The following MYOT variants were observed in gnomAD, a reference collection of about 807,000 sequenced individuals.
MYOT encodes 57 kDa cytoskeletal protein.
Under a neutral mutation model 58.0 loss-of-function variants are expected in MYOT, and 36 were observed. The ratio of observed to expected loss-of-function variants is 0.62; its 90% CI spans 0.48 to 0.82. The LOEUF is 0.82. Ranked by LOEUF, MYOT falls within the 40% of genes least tolerant of loss-of-function variation. The pLI, the probability that MYOT is intolerant of heterozygous loss-of-function variation, is 0.00. For missense variants in MYOT, 505 were observed against 592.1 expected, an observed-to-expected ratio of 0.85 and a Z score of 1.53; for synonymous variants, 218 against 204.6, an observed-to-expected ratio of 1.07 and a Z score of -0.56.
intron 6 of MYOT, 41 bp from the exon 7 acceptor site, chr5:137,883,343 T>C (rs1242532103): frequency 8.6e-6 from 13 of 1,515,502 alleles, no homozygotes; most frequent in Non-Finnish European, 1.2e-5. Flanking sequence ...AGTGATGCAA[T>C]ACTTTAAAAT....
chr5:137,882,580 GA>G (rs1367200424), intron 6 of MYOT, among the ~76,000 whole-genome samples: 2 of 151,976 alleles, frequency 1.3e-5, no homozygotes, highest in South Asian at 2.1e-4. Context: ...CCTAGTAGCT[GA>G]AACTACAGAC....
At chr5:137,870,318 CA>C (rs1437508095) in intron 1 of MYOT, 122 bp from the exon 2 acceptor site, 3 of 405,114 alleles carry the variant, frequency 7.4e-6, no homozygotes, top group Non-Finnish European at 1.4e-5. Context: ...CACACACACA[CA>C]CACACACAAA....
intron 7 of MYOT, among the ~76,000 whole-genome samples, chr5:137,884,489 G>A (rs1009445327): frequency 6.6e-6 from 1 of 152,202 alleles, no homozygotes; most frequent in Non-Finnish European, 1.5e-5. Context: ...CTACATTTAT[G>A]TCTCAAATCT....
At chr5:137,880,895 T>A in intron 5 of MYOT, 30 bp downstream of exon 5, 1 of 1,426,826 alleles carries the variant, frequency 7.0e-7, no homozygotes, top group Non-Finnish European at 9.8e-7. Flanking sequence ...AAGAAATGTA[T>A]GTTTTCCTAT....
At chr5:137,886,000 C>A in intron 7 of MYOT, 48 bp from the exon 8 acceptor site, 1 of 1,288,908 alleles carries the variant, frequency 7.8e-7, no homozygotes, top group Non-Finnish European at 1.1e-6. Flanking sequence ...TGATTTAATA[C>A]CTTTTTTATA....
At chr5:137,879,005 T>C (rs1331493770) in intron 4 of MYOT, among the ~76,000 whole-genome samples, 3 of 152,120 alleles carry the variant, frequency 2.0e-5, no homozygotes, top group African/African-American at 7.2e-5. Context: ...AAATTCAGTT[T>C]TTTTTTTCCA....
chr5:137,885,888 A>T (rs912493819), intron 7 of MYOT, among the ~76,000 whole-genome samples, 160 bp from the exon 8 acceptor site: 1 of 151,320 alleles, frequency 6.6e-6, no homozygotes, highest in Middle Eastern at 3.2e-3. Flanking sequence ...TCTGAATGGT[A>T]TAACAAAATA....
chr5:137,869,851 A>G (rs1002883803), intron 1 of MYOT, among the ~76,000 whole-genome samples: 6 of 151,362 alleles, frequency 4.0e-5, no homozygotes, highest in East Asian at 1.9e-4. Flanking sequence ...AGAAAAATGT[A>G]TAAGTGGCTC....
chr5:137,879,394 TG>T (rs1755339791), intron 4 of MYOT, among the ~76,000 whole-genome samples: 1 of 152,118 alleles, frequency 6.6e-6, no homozygotes, highest in Non-Finnish European at 1.5e-5. Flanking sequence ...CTAATTTACA[TG>T]GAGAACCTAC....
In MYOT at chr5:137,870,850, T is replaced by G; in HGVS notation, c.199T>G (p.Ser67Ala). ...GAGCTCTCACATCACCATGTCCTCCTCTGCTTTCCCTGCTTCTCCCCAGCA... is the reference window on the plus strand; with the variant it reads ...GAGCTCTCACATCACCATGTCCTCCGCTGCTTTCCCTGCTTCTCCCCAGCA... ...TLSSHITMSSSAFPASPQQHA... is the reference protein window; with the variant it reads ...TLSSHITMSSAAFPASPQQHA... The change falls in exon 2 of 10, where the codon TCT (serine) becomes GCT (alanine). Residue 67 changes from serine to alanine, a missense_variant. Physicochemically the swap from Ser to Ala is moderately conservative, Grantham distance 99 (BLOSUM62 1). Coordinates refer to ENST00000239926, the MANE Select transcript of MYOT (RefSeq NM_006790.3). The G allele has an allele frequency of 6.2e-7, 1 of 1,614,168 alleles. No homozygotes were observed. The highest frequency in any genetic ancestry group is 8.5e-7 in the Non-Finnish European group (1 of 1,180,024).
At chr5:137,872,485 A>G (rs1434066353) in intron 2 of MYOT, among the ~76,000 whole-genome samples, 1 of 152,242 alleles carries the variant, frequency 6.6e-6, no homozygotes, top group Non-Finnish European at 1.5e-5. Context: ...AAAACATAAT[A>G]AGAAATAAAG....
chr5:137,875,296 T>G (rs933159720), intron 2 of MYOT, among the ~76,000 whole-genome samples: 1 of 152,022 alleles, frequency 6.6e-6, no homozygotes, highest in African/African-American at 2.4e-5. Flanking sequence ...AAACATTGGG[T>G]ACATATGAAC....
chr5:137,880,875 T>G lies in MYOT; in HGVS notation c.683+10T>G. The G allele has an allele frequency of 6.3e-7, 1 of 1,578,786 alleles. No individual in the cohort carries two copies. The highest frequency in any genetic ancestry group is 8.7e-7 in the Non-Finnish European group (1 of 1,150,294). On this transcript the variant is annotated intron_variant, in intron 5 of 9. Coordinates refer to ENST00000239926, the MANE Select transcript of MYOT (RefSeq NM_006790.3). ...CTACATCACAAGTAAGGTAAAAAATTTTAATTTTAAAGAAATGTATGTTTT... is the reference window on the plus strand; with the variant it reads ...CTACATCACAAGTAAGGTAAAAAATGTTAATTTTAAAGAAATGTATGTTTT...
intron 6 of MYOT, 106 bp downstream of exon 6, chr5:137,882,211 G>A: frequency 7.9e-7 from 1 of 1,263,492 alleles, no homozygotes. Context: ...TACGTACAAT[G>A]GACAAGAACA....
intron 3 of MYOT, among the ~76,000 whole-genome samples, chr5:137,877,143 T>C (rs950881748): frequency 1.3e-5 from 2 of 150,392 alleles, no homozygotes; most frequent in Non-Finnish European, 3.0e-5. Context: ...CCGAGGCGGG[T>C]GGATCACAAG....
chr5:137,873,459 G>C (rs748436527), intron 2 of MYOT, among the ~76,000 whole-genome samples: 1 of 151,786 alleles, frequency 6.6e-6, no homozygotes, highest in African/African-American at 2.4e-5. Flanking sequence ...GCTTAAACCC[G>C]GGAGACATAG....
At chr5:137,882,707 T>C (rs1309539002) in intron 6 of MYOT, 1 of 159,182 alleles carries the variant, frequency 6.3e-6, no homozygotes, top group Non-Finnish European at 1.4e-5. Flanking sequence ...CCTTAAAGTA[T>C]AATGTCTCTC....
chr5:137,881,648 T>C (rs1292491528), intron 5 of MYOT, among the ~76,000 whole-genome samples: 1 of 152,196 alleles, frequency 6.6e-6, no homozygotes, highest in Non-Finnish European at 1.5e-5. Context: ...ATATACATGT[T>C]CACACCACCA....
At position 137,883,200 on chromosome 5, in the gene MYOT, AATTTCAAGGATCTT is replaced by A. The variant is rs1176247741; in HGVS notation, c.817-178_817-165del. 3 of 601,556 alleles carry A rather than the reference AATTTCAAGGATCTT, an allele frequency of 5.0e-6. No homozygotes were observed. In the African/African-American group the frequency reaches 5.8e-5, roughly 12 times the overall value. The allele number at this position is 601,556 out of a possible 1,614,324, so 37.3% of individuals were successfully genotyped here. A position where few individuals can be genotyped will look rare whatever the true frequency, so the allele number is the denominator to read the frequency against. On this transcript the variant is annotated intron_variant, in intron 6 of 9. Coordinates refer to ENST00000239926, the MANE Select transcript of MYOT (RefSeq NM_006790.3). Reference sequence around the variant, plus strand: ...TGAGACAGTCTAAAAATACTATGTTAATTTCAAGGATCTTATTTCCAATGTTTTGTTTAAAAAAT... The same window carrying A: ...TGAGACAGTCTAAAAATACTATGTTAATTTCCAATGTTTTGTTTAAAAAAT...
Sources: gnomAD v4.1 joint callset for allele counts (sites outside exome capture counted in the v4.1 genomes callset) on GRCh38, gnomAD v4.1.1 for gene constraint, MANE v1.5 for transcripts, NCBI Gene and HGNC (gene_info 2026-07-23, HGNC 2026-07-21) for gene names.